RBM46: variants seen among roughly 807,000 people sequenced by gnomAD.
RBM46 encodes RNA binding motif protein 46, also known as probable RNA-binding protein 46.
A neutral mutation model predicts 43.3 loss-of-function variants in RBM46; 12 were observed. The ratio of observed to expected loss-of-function variants is 0.28; its 90% CI spans 0.18 to 0.45. The LOEUF is 0.45. Among genes scored for constraint, RBM46 ranks in the 20% least tolerant of loss-of-function variants. RBM46 has a pLI of 1.00. For missense variants in RBM46, 412 were observed against 639.1 expected (o/e 0.64, Z 3.83); for synonymous variants, 205 against 207.6 (o/e 0.99, Z 0.11).
At chr4:154,803,576 G>C (rs373857751) in intron 4 of RBM46, among the ~76,000 whole-genome samples, 1 of 151,452 alleles carries the variant, frequency 6.6e-6, no homozygotes, top group African/African-American at 2.4e-5. Flanking sequence ...GGTGGCAGGC[G>C]CCTGTAGTCC....
intron 1 of RBM46, among the ~76,000 whole-genome samples, chr4:154,789,949 A>G (rs975558639): frequency 6.6e-6 from 1 of 152,144 alleles, no homozygotes; most frequent in African/African-American, 2.4e-5. Context: ...TAGATTTTCT[A>G]GTTTATCTGT....
At chr4:154,804,516 C>T (rs1402594953) in intron 4 of RBM46, among the ~76,000 whole-genome samples, 2 of 152,138 alleles carry the variant, frequency 1.3e-5, no homozygotes, top group African/African-American at 4.8e-5. Flanking sequence ...GATCAAGGAA[C>T]GTCCTGGAGA....
chr4:154,795,278 A>G (rs1171816014), intron 1 of RBM46, among the ~76,000 whole-genome samples: 3 of 152,236 alleles, frequency 2.0e-5, no homozygotes, highest in African/African-American at 7.2e-5. Flanking sequence ...GTCAGAGCTT[A>G]GTAAGGGAAG....
chr4:154,796,930 ATTTAATC>A, intron 2 of RBM46, 27 bp downstream of exon 2: 1 of 1,597,426 alleles, frequency 6.3e-7, no homozygotes. Context: ...AGTCTTTTAA[ATTTAATC>A]TTTAACCTCG....
intron 2 of RBM46, 55 bp downstream of exon 2, chr4:154,796,958 T>A: frequency 7.0e-7 from 1 of 1,438,304 alleles, no homozygotes; most frequent in Admixed American, 1.9e-5. Flanking sequence ...TCATGTAGAT[T>A]AGATGTGTAT....
chr4:154,816,418 C>T (rs557096066), intron 4 of RBM46, among the ~76,000 whole-genome samples: 1 of 152,218 alleles, frequency 6.6e-6, no homozygotes, highest in East Asian at 1.9e-4. Context: ...TTTGCTCTCT[C>T]AGTAGTTTAC....
intron 1 of RBM46, among the ~76,000 whole-genome samples, chr4:154,794,338 G>A (rs889084592): frequency 2.6e-5 from 4 of 151,676 alleles, no homozygotes; most frequent in Admixed American, 2.6e-4. Flanking sequence ...CCGCCACCAC[G>A]CCCGGCTAAA....
At chr4:154,807,877 TATAGCAAGTAA>T (rs1165867720) in intron 4 of RBM46, among the ~76,000 whole-genome samples, 1 of 152,008 alleles carries the variant, frequency 6.6e-6, no homozygotes, top group Non-Finnish European at 1.5e-5. Flanking sequence ...TTGTCTCATA[TATAGCAAGTAA>T]CATTTGAGCT....
chr4:154,818,826 T>TA (rs1236694632), intron 4 of RBM46, among the ~76,000 whole-genome samples: 1 of 152,178 alleles, frequency 6.6e-6, no homozygotes, highest in Admixed American at 6.5e-5. Context: ...GTAATTTTTT[T>TA]ATCTGTAAAA....
chr4:154,812,117 G>T (rs1231289208), intron 4 of RBM46, among the ~76,000 whole-genome samples: 2 of 149,604 alleles, frequency 1.3e-5, no homozygotes, highest in African/African-American at 4.9e-5. Context: ...GCCATCCTTT[G>T]TAAATTCACA....
At chr4:154,810,528 ACTTTAGTCTTTAT>A (rs1735124243) in intron 4 of RBM46, among the ~76,000 whole-genome samples, 1 of 152,164 alleles carries the variant, frequency 6.6e-6, no homozygotes, top group Admixed American at 6.5e-5. Context: ...TGGAAAAAAG[ACTTTAGTCTTTAT>A]CTTTGGAGCT....
intron 4 of RBM46, among the ~76,000 whole-genome samples, chr4:154,824,124 A>G (rs1735844326): frequency 6.6e-6 from 1 of 151,136 alleles, no homozygotes; most frequent in African/African-American, 2.4e-5. Context: ...AACAACCTTT[A>G]CTTCAAGTGA....
At chr4:154,826,798 C>A in intron 4 of RBM46, 2 of 1,515,024 alleles carry the variant, frequency 1.3e-6, no homozygotes, top group African/African-American at 1.4e-5. Flanking sequence ...AGCTTACTCT[C>A]CTGCAGTTGA....
intron 1 of RBM46, among the ~76,000 whole-genome samples, chr4:154,796,140 C>T (rs1156376859): frequency 2.6e-5 from 4 of 151,996 alleles, no homozygotes; most frequent in African/African-American, 9.7e-5. Flanking sequence ...GCACTCTAGC[C>T]TGGGTGACAA....
intron 4 of RBM46, among the ~76,000 whole-genome samples, chr4:154,802,909 T>C (rs1222393462): frequency 6.6e-6 from 1 of 152,228 alleles, no homozygotes; most frequent in African/African-American, 2.4e-5. Context: ...AAAGTCATTT[T>C]TTAAATTAAT....
chr4:154,821,480 C>G (rs1446876389), intron 4 of RBM46, among the ~76,000 whole-genome samples: 1 of 151,698 alleles, frequency 6.6e-6, no homozygotes, highest in South Asian at 2.1e-4. Context: ...TGTTCTAGTA[C>G]TAACTTTCCA....
At chr4:154,801,217 G>A (rs372648688) in intron 4 of RBM46, among the ~76,000 whole-genome samples, 5 of 152,164 alleles carry the variant, frequency 3.3e-5, no homozygotes, top group South Asian at 2.1e-4. Context: ...GACCTCAGGC[G>A]ACCCGCCCTC....
intron 1 of RBM46, among the ~76,000 whole-genome samples, chr4:154,782,359 T>G (rs1216575722): frequency 6.6e-6 from 1 of 152,256 alleles, no homozygotes; most frequent in Admixed American, 6.5e-5. Context: ...TTAGGTAATA[T>G]TTAAGTTCTT....
At chr4:154,792,197 G>A (rs1734128853) in intron 1 of RBM46, among the ~76,000 whole-genome samples, 2 of 152,006 alleles carry the variant, frequency 1.3e-5, no homozygotes, top group African/African-American at 4.8e-5. Flanking sequence ...TTCTCTCTTA[G>A]TCTCGTTTTA....
Sources: allele counts gnomAD v4.1 joint callset (sites outside exome capture counted in the v4.1 genomes callset), GRCh38; gene constraint gnomAD v4.1.1; transcripts MANE v1.5; gene names NCBI Gene and HGNC (gene_info 2026-07-23, HGNC 2026-07-21).